The following PRIM2 variants were observed in gnomAD, a reference collection of about 807,000 sequenced individuals.
PRIM2 encodes DNA primase large subunit.
PRIM2 carries 39 observed loss-of-function variants against 67.3 expected under a neutral mutation model. The ratio of observed to expected loss-of-function variants is 0.58; its 90% CI spans 0.45 to 0.76. The LOEUF (loss-of-function observed/expected upper bound fraction) is 0.76. PRIM2 is among the 30% of genes least tolerant of loss of function. The probability of loss-of-function intolerance (pLI) is 0.00; values close to 1 mark genes in which losing one functional copy is unlikely to be tolerated. For synonymous variants in PRIM2, 143 were observed against 198.7 expected (o/e 0.72, Z 2.36); for missense variants, 398 against 598.7 (o/e 0.66, Z 3.50).
chr6:57,572,034 T>C (rs1175728750), intron 10 of PRIM2, among the ~76,000 whole-genome samples: 1 of 152,362 alleles, frequency 6.6e-6, no homozygotes, highest in Non-Finnish European at 1.5e-5. Context: ...ATCTGTTTTA[T>C]CGTTCATGAA....
At chr6:57,389,156 G>GAGTTGTAAT (rs1770246430) in intron 7 of PRIM2, among the ~76,000 whole-genome samples, 4 of 152,066 alleles carry the variant, frequency 2.6e-5, no homozygotes, top group African/African-American at 9.7e-5. Flanking sequence ...CCAGGCTGGA[G>GAGTTGTAAT]TGCAGTGGTG....
chr6:57,571,591 A>C (rs1327164078), intron 10 of PRIM2, among the ~76,000 whole-genome samples: 9 of 152,210 alleles, frequency 5.9e-5, no homozygotes, highest in Non-Finnish European at 1.2e-4. Flanking sequence ...CGTAGGTTGC[A>C]GTGAGCCGAG....
the PRIM2 span, among the ~76,000 whole-genome samples, chr6:57,279,997 A>G: frequency 5.3e-5 from 8 of 152,190 alleles, no homozygotes; most frequent in Non-Finnish European, 8.8e-5. Flanking sequence ...AGAAGGGAAG[A>G]GGACAAGAGA....
At chr6:57,412,345 A>G (rs1771114671) in intron 7 of PRIM2, among the ~76,000 whole-genome samples, 1 of 152,064 alleles carries the variant, frequency 6.6e-6, no homozygotes, top group Non-Finnish European at 1.5e-5. Flanking sequence ...CTAATTATTG[A>G]TATTAGACTT....
chr6:57,623,826 T>C (rs1425358412), intron 12 of PRIM2, among the ~76,000 whole-genome samples: 6 of 152,132 alleles, frequency 3.9e-5, no homozygotes, highest in Non-Finnish European at 5.9e-5. Flanking sequence ...CAATTTGCAA[T>C]GTATTTCTTG....
intron 7 of PRIM2, among the ~76,000 whole-genome samples, chr6:57,429,811 T>TATA (rs1436983027): frequency 6.6e-6 from 1 of 152,212 alleles, no homozygotes; most frequent in Non-Finnish European, 1.5e-5. Context: ...GTTGGGCTGC[T>TATA]ATAACAAAAA....
intron 7 of PRIM2, among the ~76,000 whole-genome samples, chr6:57,448,367 AG>A (rs1247040660): frequency 2.0e-5 from 3 of 152,116 alleles, no homozygotes; most frequent in African/African-American, 4.8e-5. Flanking sequence ...TAGGATTGGC[AG>A]GGGGAGGCAG....
At chr6:57,573,421 T>A (rs1173530740) in intron 10 of PRIM2, among the ~76,000 whole-genome samples, 1 of 152,156 alleles carries the variant, frequency 6.6e-6, no homozygotes, top group African/African-American at 2.4e-5. Context: ...AGCTTTTTTT[T>A]ATTACAGTCT....
At chr6:57,588,093 C>T (rs1454104878) in intron 10 of PRIM2, among the ~76,000 whole-genome samples, 2 of 152,018 alleles carry the variant, frequency 1.3e-5, no homozygotes, top group African/African-American at 4.8e-5. Flanking sequence ...AAAGGAACTC[C>T]CTGCTTGGGG....
intron 7 of PRIM2, among the ~76,000 whole-genome samples, chr6:57,468,859 T>A (rs1446699348): frequency 6.6e-6 from 1 of 152,224 alleles, no homozygotes; most frequent in Non-Finnish European, 1.5e-5. Flanking sequence ...TCTTCATGTA[T>A]GTTCAGGGCC....
At chr6:57,264,546 C>G in the PRIM2 span, among the ~76,000 whole-genome samples, 1 of 150,444 alleles carries the variant, frequency 6.6e-6, no homozygotes, top group Admixed American at 6.6e-5. Context: ...TGCAACCCCT[C>G]TAATACCAAT....
chr6:57,622,899 A>G (rs1413732867), intron 12 of PRIM2, among the ~76,000 whole-genome samples: 1 of 152,238 alleles, frequency 6.6e-6, no homozygotes, highest in Admixed American at 6.5e-5. Context: ...GTAACTGTCA[A>G]GAAGATTTTA....
At chr6:57,539,654 GTGTATATATA>G (rs1394539192) in intron 10 of PRIM2, among the ~76,000 whole-genome samples, 578 of 55,866 alleles carry the variant, frequency 0.01, 1 homozygote, top group Middle Eastern at 0.028. Flanking sequence ...GTGTGTGTGT[GTGTATATATA>G]TATATATATG....
Position 57,645,321 on chromosome 6 carries a change from TCACACACACACACACA to T in PRIM2, c.1300-572_1300-557del, listed in dbSNP as rs1189530732. 2.6e-3 allele frequency among the ~76,000 whole-genome samples: 350 copies of T among 132,850 alleles called. 1 individual carries two copies. Among genetic ancestry groups the T allele is most frequent in the South Asian group, 0.018 (67 of 3,652 alleles). The allele number at this position is 132,850 out of a possible 152,430, so 87.2% of individuals were successfully genotyped here. On this transcript the variant is annotated intron_variant, in intron 13 of 13. Transcript: ENST00000615550. ...GTGCCTCACTAACATACAATGTCAT[TCACACACACACACACA>T]CACACACACACACACACACACACAC...
chr6:57,240,287 A>G, the PRIM2 span, among the ~76,000 whole-genome samples: 2 of 151,988 alleles, frequency 1.3e-5, no homozygotes, highest in Non-Finnish European at 2.9e-5. Flanking sequence ...TTTTTAGTAG[A>G]GATGGGCTTC....
chr6:57,612,794 T>C (rs1404306393), intron 12 of PRIM2, among the ~76,000 whole-genome samples: 3 of 61,318 alleles, frequency 4.9e-5, no homozygotes, highest in Non-Finnish European at 1.0e-4. Context: ...TCTTTTCGCC[T>C]TTTTTTTTTT....
chr6:57,243,548 A>G, the PRIM2 span, among the ~76,000 whole-genome samples: 1 of 152,200 alleles, frequency 6.6e-6, no homozygotes, highest in Non-Finnish European at 1.5e-5. Flanking sequence ...AGCTCACTGC[A>G]ACCTCCGCCT....
intron 7 of PRIM2, among the ~76,000 whole-genome samples, chr6:57,444,618 C>T (rs1218272582): frequency 6.6e-6 from 1 of 151,020 alleles, no homozygotes; most frequent in African/African-American, 2.4e-5. Context: ...AAATTTGTTT[C>T]GTTACTTGTA....
At chr6:57,343,370 C>T (rs12662732) in intron 5 of PRIM2, among the ~76,000 whole-genome samples, 2 of 152,192 alleles carry the variant, frequency 1.3e-5, no homozygotes, top group East Asian at 1.9e-4. Context: ...TATACCTACC[C>T]TCTTGGGTCT....
Sources: gnomAD v4.1 joint callset for allele counts (sites outside exome capture counted in the v4.1 genomes callset) on GRCh38, gnomAD v4.1.1 for gene constraint, MANE v1.5 for transcripts, NCBI Gene and HGNC (gene_info 2026-07-23, HGNC 2026-07-21) for gene names.